ULK4: variants seen among roughly 807,000 people sequenced by gnomAD.
ULK4 encodes inactive serine/threonine-protein kinase ULK4.
In ULK4, 133 loss-of-function variants were observed where a neutral mutation model predicts 160.6. The observed-to-expected ratio is 0.83, with a 90% CI of 0.72 to 0.96. ULK4 has a LOEUF of 0.96. ULK4 is among the 40% of genes least tolerant of loss of function. The pLI is 0.00. For missense variants in ULK4, 1,580 were observed against 1,499.5 expected (o/e 1.05, Z -0.89); for synonymous variants, 534 against 539.8 (o/e 0.99, Z 0.15).
At position 41,382,852 on chromosome 3, in the gene ULK4, G is replaced by A. The variant is rs115885110; in HGVS notation, c.3678+15227C>T. On this transcript the variant is annotated intron_variant, in intron 35 of 36. Transcript: ENST00000301831. ...TGCTTTATATATAGCCTATCTACTT[G>A]GAAACAATCTTGCTAAGGAAAGAGA... is the stretch of plus-strand genomic sequence containing the variant. Among the ~76,000 whole-genome samples the A allele has an allele frequency of 7.9e-3, 1,204 of 151,928 alleles. 23 individuals carry two copies. Among genetic ancestry groups the A allele is most frequent in the African/African-American group, 0.023 (965 of 41,436 alleles).
At chr3:41,766,224 C>T (rs1232452058) in intron 21 of ULK4, among the ~76,000 whole-genome samples, 2 of 143,542 alleles carry the variant, frequency 1.4e-5, no homozygotes, top group East Asian at 3.9e-4. Flanking sequence ...GCCAAAATCA[C>T]GCCACTGCAC....
At chr3:41,559,113 G>A (rs1048756036) in intron 32 of ULK4, among the ~76,000 whole-genome samples, 2 of 149,920 alleles carry the variant, frequency 1.3e-5, no homozygotes, top group Non-Finnish European at 3.0e-5. Context: ...ACCTATGAGT[G>A]AGAATATGCA....
intron 35 of ULK4, among the ~76,000 whole-genome samples, chr3:41,296,859 C>G (rs898118713): frequency 6.6e-6 from 1 of 151,752 alleles, no homozygotes; most frequent in Admixed American, 6.6e-5. Context: ...GAAGAAGAAA[C>G]AAGTGAACCT....
chr3:41,448,279 C>T (rs1388559374), intron 34 of ULK4, among the ~76,000 whole-genome samples: 4 of 151,968 alleles, frequency 2.6e-5, no homozygotes, highest in Admixed American at 6.6e-5. Flanking sequence ...AACCAGTTTT[C>T]GTGGGTGTAA....
chr3:41,247,003 A>C lies in ULK4; in HGVS notation c.3765-11T>G, dbSNP rs766128364. On this transcript the variant is annotated splice_polypyrimidine_tract_variant and intron_variant, in intron 36 of 36. Transcript: ENST00000301831. ...CTGTCGGCAAATGAACTGTAAGAAA[A>C]ACCAAAGTAGGTACACTTAATAGGC... 2.8e-5 allele frequency: 45 copies of C among 1,613,262 alleles called. No homozygotes were observed. Among genetic ancestry groups the C allele is most frequent in the Non-Finnish European group, 3.7e-5 (44 of 1,179,730 alleles).
At chr3:41,623,861 A>G (rs2033368549) in intron 30 of ULK4, among the ~76,000 whole-genome samples, 1 of 152,212 alleles carries the variant, frequency 6.6e-6, no homozygotes, top group Non-Finnish European at 1.5e-5. Context: ...ACGTGAAGTG[A>G]TGGACATGTT....
chr3:41,553,163 T>C (rs1575403178), intron 32 of ULK4, among the ~76,000 whole-genome samples: 1 of 152,120 alleles, frequency 6.6e-6, no homozygotes, highest in East Asian at 1.9e-4. Flanking sequence ...GAAAAAAATA[T>C]AGAGATAATT....
chr3:41,562,750 G>A (rs1366893366), intron 32 of ULK4, among the ~76,000 whole-genome samples: 1 of 151,974 alleles, frequency 6.6e-6, no homozygotes, highest in Non-Finnish European at 1.5e-5. Flanking sequence ...GAGCCTATGT[G>A]TGTCTCTGCA....
chr3:41,323,757 T>C (rs1208974718), intron 35 of ULK4, among the ~76,000 whole-genome samples: 2 of 151,954 alleles, frequency 1.3e-5, no homozygotes, highest in Non-Finnish European at 1.5e-5. Flanking sequence ...GGGGGTTGCA[T>C]TAAGGGTGTT....
In ULK4 at chr3:41,938,189, G is replaced by T; in HGVS notation, c.147C>A (p.Leu49=). 2 of 1,611,670 alleles carry T rather than the reference G, an allele frequency of 1.2e-6. No individual in the cohort carries two copies. The highest frequency in any genetic ancestry group is 1.1e-5 in the South Asian group (1 of 90,816). The part of the protein sequence containing the change: ...KRPEITNWVR[L]TREIKHKNIV... The stretch of plus-strand genomic sequence containing the variant: ...TATTCTTGTGTTTTATTTCACGGGT[G>T]AGACGGACCTATAAAAACACAGAGC... The change falls in exon 3 of 37, where the codon CTC becomes CTA. Residue 49 remains leucine (L), a synonymous_variant. Coordinates refer to ENST00000301831, the MANE Select transcript of ULK4 (RefSeq NM_017886.4).
At chr3:41,554,692 G>A (rs2087220156) in intron 32 of ULK4, among the ~76,000 whole-genome samples, 1 of 152,056 alleles carries the variant, frequency 6.6e-6, no homozygotes, top group Non-Finnish European at 1.5e-5. Context: ...GTATTTCAAA[G>A]TAGGTAAAAT....
intron 36 of ULK4, among the ~76,000 whole-genome samples, chr3:41,248,925 G>A (rs772428655): frequency 2.0e-5 from 3 of 152,216 alleles, no homozygotes; most frequent in South Asian, 2.1e-4. Flanking sequence ...GCCAAGGACT[G>A]GGAGGCTAGC....
chr3:41,439,978 G>A (rs9816626), intron 34 of ULK4, among the ~76,000 whole-genome samples: 46,483 of 151,834 alleles, frequency 0.31, 7,224 homozygotes, highest in African/African-American at 0.34. Context: ...ATTGCAAAAC[G>A]CATTACTTAT....
chr3:41,563,577 A>G (rs939353586), intron 32 of ULK4, among the ~76,000 whole-genome samples: 9 of 151,992 alleles, frequency 5.9e-5, no homozygotes, highest in Non-Finnish European at 1.2e-4. Flanking sequence ...TTTTTTCTCT[A>G]AACTTGTCTT....
intron 19 of ULK4, among the ~76,000 whole-genome samples, chr3:41,816,644 G>C (rs988222949): frequency 6.6e-6 from 1 of 152,064 alleles, no homozygotes; most frequent in Non-Finnish European, 1.5e-5. Flanking sequence ...GTGAAACTCT[G>C]TCTCTACAAA....
chr3:41,535,779 A>G (rs752030302), intron 32 of ULK4, among the ~76,000 whole-genome samples: 21 of 152,192 alleles, frequency 1.4e-4, no homozygotes, highest in Non-Finnish European at 1.9e-4. Flanking sequence ...ATTTCTATAG[A>G]GTGGACTCAG....
chr3:41,718,866 G>T (rs909311930), intron 22 of ULK4, among the ~76,000 whole-genome samples: 1 of 152,172 alleles, frequency 6.6e-6, no homozygotes, highest in Non-Finnish European at 1.5e-5. Flanking sequence ...GCGTTTCCAT[G>T]TATTACTATT....
At chr3:41,426,337 T>G (rs1479232326) in intron 34 of ULK4, among the ~76,000 whole-genome samples, 2 of 152,108 alleles carry the variant, frequency 1.3e-5, no homozygotes, top group African/African-American at 4.8e-5. Flanking sequence ...TAGGAGACTT[T>G]ACCCCACTGT....
In ULK4 at chr3:41,800,383, A is replaced by G. The variant is rs879919448; in HGVS notation, c.1849-90T>C. 3.1e-5 allele frequency: 41 copies of G among 1,315,092 alleles called. 2 individuals carry two copies. Among genetic ancestry groups the G allele is most frequent in the Middle Eastern group, 5.4e-4 (2 of 3,706 alleles). 81.5% of individuals were successfully genotyped at this position (1,315,092 alleles called of 1,614,324 possible). On this transcript the variant is annotated intron_variant, in intron 19 of 36. Coordinates refer to ENST00000301831, the MANE Select transcript of ULK4 (RefSeq NM_017886.4). ...CCATTGTAAATAATGTTATGATACC[A>G]AGACAGTAACATGCCTCTGGATGTG...
Sources: gnomAD v4.1 joint callset for allele counts (sites outside exome capture counted in the v4.1 genomes callset) on GRCh38, gnomAD v4.1.1 for gene constraint, MANE v1.5 for transcripts, NCBI Gene and HGNC (gene_info 2026-07-23, HGNC 2026-07-21) for gene names.